Variants in CFAP65 observed in about 807,000 individuals in gnomAD.
The protein encoded by CFAP65 is cilia- and flagella-associated protein 65.
CFAP65 carries 155 observed loss-of-function variants against 208.0 expected under a neutral mutation model. The observed-to-expected ratio is 0.75, with a 90% CI of 0.65 to 0.85. The LOEUF is 0.85. CFAP65 is among the 40% of genes least tolerant of loss of function. The pLI is 0.00. For synonymous variants in CFAP65, 970 were observed against 986.3 expected (o/e 0.98, Z 0.31); for missense variants, 2,294 against 2,451.3 (o/e 0.94, Z 1.36).
chr2:219,013,920 T>C lies in CFAP65; in HGVS notation c.3727A>G (p.Lys1243Glu). 2 of 1,613,924 alleles carry C rather than the reference T, an allele frequency of 1.2e-6. No homozygotes were observed. The highest frequency in any genetic ancestry group is 1.7e-4 in the Middle Eastern group (1 of 6,052). Residue 1243 changes from lysine (K) to glutamate (E), a missense_variant, in exon 22 of 35, where the codon AAG becomes GAG. Physicochemically the swap from Lys to Glu is moderately conservative, Grantham distance 56. This residue lies in a region of CFAP65 where 1,427 missense variants were observed against 1,438.7 expected (regional missense o/e 0.99). Coordinates refer to ENST00000341552, the MANE Select transcript of CFAP65 (RefSeq NM_194302.4). ...QDNCLFSISP[K>E]AGSLSPGQEQ... ...TGCCCAGGACTCAGGCTCCCAGCCT[T>C]GGGGCTGATGGAGAAGAGGCAATTG...
At chr2:219,028,531 GC>G in intron 11 of CFAP65, 130 bp from the exon 12 acceptor site, 1 of 774,230 alleles carries the variant, frequency 1.3e-6, no homozygotes, top group Non-Finnish European at 2.2e-6. Context: ...GCTCCAGGTG[GC>G]CAGTGAGCAA....
intron 13 of CFAP65, chr2:219,026,886 G>C (rs921865458): frequency 2.0e-6 from 2 of 986,538 alleles, no homozygotes; most frequent in Admixed American, 6.1e-5. Context: ...ATTAGGACGG[G>C]GGCAACCAAA....
chr2:219,014,112 A>C, intron 21 of CFAP65, 68 bp from the exon 22 acceptor site: 1 of 1,376,786 alleles, frequency 7.3e-7, no homozygotes, highest in South Asian at 1.5e-5. Context: ...GGGCTCTGAG[A>C]CCCTGATGGG....
At position 219,010,212 on chromosome 2, in the gene CFAP65, C is replaced by T. The variant is rs1271022214; in HGVS notation, c.4309-127G>A. The T allele has an allele frequency of 1.2e-5, 11 of 912,630 alleles. No individual in the cohort carries two copies. The African/African-American group carries it at 1.3e-4, about 11-fold the overall frequency. 56.5% of individuals were successfully genotyped at this position (912,630 alleles called of 1,614,324 possible). On this transcript the variant is annotated intron_variant, in intron 26 of 34. Coordinates refer to ENST00000341552, the MANE Select transcript of CFAP65 (RefSeq NM_194302.4). Reference sequence around the variant, plus strand: ...AGGTCAGAAAATCGAGACCACTGTGCCTGGCCCTTTTGACACCTTTCAACA... The same window carrying T: ...AGGTCAGAAAATCGAGACCACTGTGTCTGGCCCTTTTGACACCTTTCAACA...
chr2:219,010,788 T>C lies in CFAP65; in HGVS notation c.4149+17A>G, dbSNP rs1946421423. 6.3e-7 allele frequency: 1 copy of C among 1,595,498 alleles called. No individual in the cohort carries two copies. Among genetic ancestry groups the C allele is most frequent in the South Asian group, 1.1e-5 (1 of 89,526 alleles). ...CAGCACCACCCCACCTCCCACGTCA[T>C]CCAGGTTGCTGCTCACCGTGTAGGT... On this transcript the variant is annotated intron_variant, in intron 25 of 34. Transcript: ENST00000341552.
chr2:219,021,265 C>A lies in CFAP65; in HGVS notation c.3146G>T (p.Arg1049Leu). The A allele has an allele frequency of 6.3e-7, 1 of 1,599,322 alleles. No homozygotes were observed. Among genetic ancestry groups the A allele is most frequent in the Non-Finnish European group, 8.5e-7 (1 of 1,172,656 alleles). ...DNHPLALQLD[R>L]TEGSMPPRSQ... ...CCGGGGTGGCATGCTCCCCTCTGTT[C>A]GGTCCAGCTGCAGAGCTGCTCAGGG... Residue 1049 changes from arginine (R) to leucine (L), a missense_variant, in exon 19 of 35, where the codon CGA (arginine) becomes CTA (leucine). Transcript: ENST00000341552.
intron 4 of CFAP65, among the ~76,000 whole-genome samples, chr2:219,036,737 C>T (rs564058957): frequency 6.6e-6 from 1 of 152,218 alleles, no homozygotes; most frequent in Non-Finnish European, 1.5e-5. Context: ...AGCCATCATG[C>T]CCGGCCAGCA....
In CFAP65 at chr2:219,028,270, G is replaced by A. The variant is rs767585236; in HGVS notation, c.1782C>T (p.Ile594=). ...ARGLTLYPPD[I]LDAMLKEKKL... ...TCTTCTCCTTCAGCATGGCATCCAG[G>A]ATGTCAGGGGGGTAGAGCGTCAGGC... Residue 594 remains isoleucine (I), a synonymous_variant, in exon 12 of 35, where the codon ATC becomes ATT. Transcript: ENST00000341552. The A allele has an allele frequency of 1.9e-6, 3 of 1,614,140 alleles. No individual in the cohort carries two copies. Among genetic ancestry groups the A allele is most frequent in the East Asian group, 4.5e-5 (2 of 44,874 alleles).
chr2:219,038,387 G>A lies in CFAP65; in HGVS notation c.345C>T (p.Thr115=). The part of the protein sequence containing the change: ...DSSAAMSACS[T]ISAQPASSMD... Reference sequence around the variant, plus strand: ...GCTGTATCCTTACCTGGGCGCTGATGGTGCTGCAGGCACTCATGGCTGCAC... The same window carrying A: ...GCTGTATCCTTACCTGGGCGCTGATAGTGCTGCAGGCACTCATGGCTGCAC... The change falls in exon 4 of 35, where the codon ACC becomes ACT. Residue 115 remains threonine, a synonymous_variant. Coordinates refer to ENST00000341552, the MANE Select transcript of CFAP65 (RefSeq NM_194302.4). The A allele has an allele frequency of 6.2e-7, 1 of 1,613,062 alleles. No homozygotes were observed. Among genetic ancestry groups the A allele is most frequent in the Non-Finnish European group, 8.5e-7 (1 of 1,179,964 alleles).
In CFAP65 at chr2:219,013,866, A is replaced by C. The variant is rs755658177; in HGVS notation, c.3779+2T>G. On this transcript the variant is annotated splice_donor_variant, in intron 22 of 34. Coordinates refer to ENST00000341552, the MANE Select transcript of CFAP65 (RefSeq NM_194302.4). LOFTEE classifies it high-confidence loss of function. ...GCAGGGGGTTTGGGGGGTGGGGAAC[A>C]CCTGTATTTTAACTCCACCATCTGC... 8.2e-6 allele frequency: 13 copies of C among 1,584,964 alleles called. No individual in the cohort carries two copies. Among genetic ancestry groups the C allele is most frequent in the Non-Finnish European group, 1.7e-6 (2 of 1,165,344 alleles).
chr2:219,013,881 C>A lies in CFAP65; in HGVS notation c.3766G>T (p.Glu1256Ter). The change falls in exon 22 of 35, where the codon GAG becomes TAG. Residue 1256 changes from glutamate (E) to a stop codon, truncating the protein, a stop_gained. Coordinates refer to ENST00000341552, the MANE Select transcript of CFAP65 (RefSeq NM_194302.4). LOFTEE classifies it high-confidence loss of function. ...SLSPGQEQMVELKYSHLFIGT... is the reference protein window; with the variant it reads ...SLSPGQEQMV ...GGTGGGGAACACCTGTATTTTAACTCCACCATCTGCTCCTGCCCAGGACTC... is the reference window on the plus strand; with the variant it reads ...GGTGGGGAACACCTGTATTTTAACTACACCATCTGCTCCTGCCCAGGACTC... 6.3e-7 allele frequency: 1 copy of A among 1,598,844 alleles called. No homozygotes were observed. The highest frequency in any genetic ancestry group is 8.5e-7 in the Non-Finnish European group (1 of 1,172,474).
intron 13 of CFAP65, chr2:219,027,323 T>C (rs752080148): frequency 1.5e-5 from 22 of 1,440,982 alleles, no homozygotes; most frequent in East Asian, 2.5e-5. Context: ...ATTCAAGGAC[T>C]AGTAGAGAAG....
intron 21 of CFAP65, chr2:219,018,586 T>C (rs1026964279): frequency 1.7e-5 from 3 of 171,862 alleles, no homozygotes; most frequent in African/African-American, 7.1e-5. Context: ...GGCTCTGGAC[T>C]GGACAAATTC....
chr2:219,026,087 G>A lies in CFAP65; in HGVS notation c.2284C>T (p.Arg762Ter), dbSNP rs756973049. The A allele has an allele frequency of 1.4e-5, 23 of 1,613,982 alleles. No homozygotes were observed. Among genetic ancestry groups the A allele is most frequent in the South Asian group, 6.6e-5 (6 of 91,086 alleles). ...CPSWCLTVRA[R>*]GHSYFAGFEH... Reference sequence around the variant, plus strand: ...AAGCCAGCGAAATAGCTGTGGCCTCGTGCCCGCACCGTCAGGCACCAGGAT... The same window carrying A: ...AAGCCAGCGAAATAGCTGTGGCCTCATGCCCGCACCGTCAGGCACCAGGAT... The change falls in exon 14 of 35, where the codon CGA (arginine) becomes TGA (stop). Residue 762 changes from arginine (R) to a stop codon, truncating the protein, a stop_gained. Coordinates refer to ENST00000341552, the MANE Select transcript of CFAP65 (RefSeq NM_194302.4). LOFTEE classifies it high-confidence loss of function.
chr2:219,021,830 C>T lies in CFAP65; in HGVS notation c.3080G>A (p.Arg1027His), dbSNP rs755032806. The change falls in exon 18 of 35, where the codon CGC becomes CAC. Residue 1027 changes from arginine (R) to histidine (H), a missense_variant. Physicochemically the swap from Arg to His is conservative, Grantham distance 29 (BLOSUM62 0). Coordinates refer to ENST00000341552, the MANE Select transcript of CFAP65 (RefSeq NM_194302.4). Reference protein sequence around the residue: ...LNDGNCTLYYRLYLEQGSPEA... With the variant: ...LNDGNCTLYYHLYLEQGSPEA... Reference sequence around the variant, plus strand: ...AGGGCTGCCCTGCTCCAGGTAGAGGCGGTAATAGAGGGTGCAGTTGCCGTC... The same window carrying T: ...AGGGCTGCCCTGCTCCAGGTAGAGGTGGTAATAGAGGGTGCAGTTGCCGTC... 3.1e-6 allele frequency: 5 copies of T among 1,613,798 alleles called. No homozygotes were observed. Among genetic ancestry groups the T allele is most frequent in the East Asian group, 2.2e-5 (1 of 44,876 alleles).
At position 219,005,529 on chromosome 2, in the gene CFAP65, C is replaced by A. The variant is rs758266916; in HGVS notation, c.4956G>T (p.Glu1652Asp). Residue 1652 changes from glutamate (E) to aspartate (D), a missense_variant, in exon 32 of 35, where the codon GAG becomes GAT. Physicochemically the swap from Glu to Asp is conservative, Grantham distance 45 (BLOSUM62 2). Transcript: ENST00000341552. ...ELPKRKAPRE[E>D]SETSEEKSPN... The stretch of plus-strand genomic sequence containing the variant: ...GGGATTTTTCCTCAGAAGTCTCTGA[C>A]TCTTCCCTGGGGGCCTTCCTCTTTG... 2.2e-5 allele frequency: 36 copies of A among 1,612,618 alleles called. No homozygotes were observed. The highest frequency in any genetic ancestry group is 2.9e-5 in the Non-Finnish European group (34 of 1,179,960).
chr2:219,035,737 C>T lies in CFAP65; in HGVS notation c.358-73G>A, dbSNP rs368673545. 89 of 1,525,186 alleles carry T rather than the reference C, an allele frequency of 5.8e-5. No homozygotes were observed. In the African/African-American group the frequency reaches 1.0e-3, roughly 18 times the overall value. The allele number at this position is 1,525,186 out of a possible 1,614,324, so 94.5% of individuals were successfully genotyped here. A position where few individuals can be genotyped will look rare whatever the true frequency, so the allele number is the denominator to read the frequency against. ...GGGTGGGATGCCAAGACCCAGAGAA[C>T]AGGTGAAGGTCTTCGTCCTCCACCA... On this transcript the variant is annotated intron_variant, in intron 4 of 34. Transcript: ENST00000341552.
At chr2:219,020,935 C>G (rs996060669) in intron 19 of CFAP65, among the ~76,000 whole-genome samples, 89 of 152,320 alleles carry the variant, frequency 5.8e-4, no homozygotes, top group African/African-American at 2.1e-3. Flanking sequence ...AGCACAGCTC[C>G]TAACTCTTTG....
intron 24 of CFAP65, among the ~76,000 whole-genome samples, chr2:219,011,478 C>T (rs1049597768): frequency 2.6e-4 from 39 of 152,104 alleles, no homozygotes; most frequent in African/African-American, 9.2e-4. Flanking sequence ...ATGGGGTTCT[C>T]ACTGTGTTGG....
Sources: gnomAD v4.1 joint callset for allele counts (sites outside exome capture counted in the v4.1 genomes callset) on GRCh38, gnomAD v4.1.1 for gene constraint, gnomAD v4.1.1 regional missense constraint, MANE v1.5 for transcripts, NCBI Gene and HGNC (gene_info 2026-07-23, HGNC 2026-07-21) for gene names.